INTU: variants seen among roughly 807,000 people sequenced by gnomAD.
The protein encoded by INTU is protein inturned.
INTU carries 68 observed loss-of-function variants against 100.5 expected under a neutral mutation model. The ratio of observed to expected loss-of-function variants is 0.68; its 90% CI spans 0.56 to 0.83. The LOEUF (loss-of-function observed/expected upper bound fraction) is 0.83, where lower values mean the gene tolerates loss of function less well. Ranked by LOEUF, INTU falls within the 40% of genes least tolerant of loss-of-function variation. The pLI, the probability that INTU is intolerant of heterozygous loss-of-function variation, is 0.00. For synonymous variants in INTU, 357 were observed against 395.7 expected, an observed-to-expected ratio of 0.90 and a Z score of 1.16; for missense variants, 1,071 against 1,114.7, an observed-to-expected ratio of 0.96 and a Z score of 0.56.
chr4:127,639,657 A>G (rs1727223242), intron 1 of INTU, among the ~76,000 whole-genome samples: 2 of 152,108 alleles, frequency 1.3e-5, no homozygotes, highest in Non-Finnish European at 2.9e-5. Context: ...ATAATTACAC[A>G]TATTTGTGGA....
At chr4:127,712,695 G>A (rs922060) in intron 14 of INTU, among the ~76,000 whole-genome samples, 68,523 of 152,080 alleles carry the variant, frequency 0.45, 16,173 homozygotes, top group Middle Eastern at 0.66. Context: ...ATCATGTCAA[G>A]TGATACTTGA....
intron 2 of INTU, among the ~76,000 whole-genome samples, chr4:127,646,184 C>A (rs75519440): frequency 5.2e-3 from 656 of 127,140 alleles, no homozygotes; most frequent in South Asian, 6.1e-3. Context: ...GACTCTGTCT[C>A]AAAAAAAAAA....
At chr4:127,652,789 A>G (rs1727958188) in intron 2 of INTU, among the ~76,000 whole-genome samples, 1 of 134,566 alleles carries the variant, frequency 7.4e-6, no homozygotes, top group Non-Finnish European at 1.6e-5. Context: ...TAGTTTCAGA[A>G]GGAATGGTAC....
intron 4 of INTU, among the ~76,000 whole-genome samples, chr4:127,665,673 G>C (rs754119980): frequency 6.6e-6 from 1 of 152,106 alleles, no homozygotes. Flanking sequence ...CTTTCTTCTA[G>C]TGTTCCTATT....
intron 6 of INTU, among the ~76,000 whole-genome samples, chr4:127,683,097 A>G (rs1330104402): frequency 6.6e-6 from 1 of 152,138 alleles, no homozygotes; most frequent in Non-Finnish European, 1.5e-5. Context: ...TGAGCTCTGG[A>G]CCAAGGTTGT....
chr4:127,690,241 T>G (rs994565264), intron 8 of INTU, among the ~76,000 whole-genome samples: 1 of 152,256 alleles, frequency 6.6e-6, no homozygotes, highest in Non-Finnish European at 1.5e-5. Context: ...TTTAAAAGAT[T>G]TATATGCTTT....
chr4:127,669,393 A>G (rs1036766985), intron 5 of INTU, among the ~76,000 whole-genome samples: 5 of 151,910 alleles, frequency 3.3e-5, no homozygotes, highest in African/African-American at 9.6e-5. Context: ...CCAGTCATCT[A>G]TTTGAAGTGT....
intron 7 of INTU, chr4:127,685,429 A>T: frequency 2.2e-6 from 1 of 455,494 alleles, no homozygotes; most frequent in Non-Finnish European, 4.4e-6. Context: ...CTTTGTTCTC[A>T]TTGTTCTTAC....
At chr4:127,677,718 C>T (rs375384157) in intron 6 of INTU, among the ~76,000 whole-genome samples, 1 of 152,226 alleles carries the variant, frequency 6.6e-6, no homozygotes, top group Non-Finnish European at 1.5e-5. Flanking sequence ...AGGAACGCAG[C>T]TCCTCACCAG....
In INTU at chr4:127,705,841, A is replaced by G. The variant is rs776169852; in HGVS notation, c.1788+29A>G. The stretch of plus-strand genomic sequence containing the variant: ...AGTTTACCTCAGCTTCTTTCTTAGG[A>G]TTTTTCTTCTTTTCTTTTATTTTTT... On this transcript the variant is annotated intron_variant, in intron 11 of 15. Coordinates refer to ENST00000335251, the MANE Select transcript of INTU (RefSeq NM_015693.4). 10 of 1,560,796 alleles carry G rather than the reference A, an allele frequency of 6.4e-6. No individual in the cohort carries two copies. The South Asian group carries it at 1.1e-4, about 18-fold the overall frequency.
At chr4:127,647,296 A>G (rs947628702) in intron 2 of INTU, among the ~76,000 whole-genome samples, 1 of 152,186 alleles carries the variant, frequency 6.6e-6, no homozygotes, top group African/African-American at 2.4e-5. Context: ...GTCTTCTTGT[A>G]TGAAAATCAA....
intron 12 of INTU, among the ~76,000 whole-genome samples, chr4:127,708,325 T>C (rs1730969507): frequency 6.6e-6 from 1 of 152,078 alleles, no homozygotes; most frequent in South Asian, 2.1e-4. Context: ...TATGCATACA[T>C]ACAAATTTGG....
intron 3 of INTU, among the ~76,000 whole-genome samples, chr4:127,657,747 C>T (rs760712991): frequency 6.6e-6 from 1 of 151,640 alleles, no homozygotes; most frequent in East Asian, 1.9e-4. Flanking sequence ...CCCATCACCC[C>T]CAGATGGGAC....
intron 2 of INTU, among the ~76,000 whole-genome samples, chr4:127,645,467 C>T (rs963005870): frequency 3.3e-5 from 5 of 152,144 alleles, no homozygotes; most frequent in African/African-American, 7.2e-5. Context: ...TGAGGAATCC[C>T]AAGTGAGAAC....
At chr4:127,655,993 C>T (rs58486324) in intron 2 of INTU, among the ~76,000 whole-genome samples, 4,515 of 152,214 alleles carry the variant, frequency 0.03, 276 homozygotes, top group East Asian at 0.26. Context: ...TTTCCAGGTG[C>T]GTCCGTCACC....
rs959660844 is a variant in INTU at position 127,707,413 on chromosome 4, A to G, written c.2271+444A>G. Among the ~76,000 whole-genome samples, 30 of 151,234 alleles carry G rather than the reference A, an allele frequency of 2.0e-4. No individual in the cohort carries two copies. In the South Asian group the frequency reaches 5.9e-3, roughly 30 times the overall value. The stretch of plus-strand genomic sequence containing the variant: ...GTCTCAAAAAAAAAAAAAAAAAAAA[A>G]AAAAGAAATATCAAATAATAAGATA... On this transcript the variant is annotated intron_variant, in intron 12 of 15. Transcript: ENST00000335251.
At chr4:127,699,858 T>C (rs1454742795) in intron 8 of INTU, 152 bp from the exon 9 acceptor site, 1 of 513,080 alleles carries the variant, frequency 1.9e-6, no homozygotes. Flanking sequence ...AAAAACAATA[T>C]GTTCCATTTT....
intron 8 of INTU, among the ~76,000 whole-genome samples, chr4:127,698,624 G>A (rs538350830): frequency 1.3e-5 from 2 of 152,112 alleles, no homozygotes; most frequent in South Asian, 4.1e-4. Flanking sequence ...TCTTACTTTA[G>A]TTTTTCTTCC....
chr4:127,708,335 G>T (rs1730969729), intron 12 of INTU, among the ~76,000 whole-genome samples: 1 of 152,098 alleles, frequency 6.6e-6, no homozygotes, highest in Non-Finnish European at 1.5e-5. Flanking sequence ...TACAAATTTG[G>T]TAATGGCTCT....
Sources: allele counts gnomAD v4.1 joint callset (sites outside exome capture counted in the v4.1 genomes callset), GRCh38; gene constraint gnomAD v4.1.1; transcripts MANE v1.5; gene names NCBI Gene and HGNC (gene_info 2026-07-23, HGNC 2026-07-21).